LAMA5: variants seen among roughly 807,000 people sequenced by gnomAD.
The protein encoded by LAMA5 is laminin subunit alpha-5.
In LAMA5, 260 loss-of-function variants were observed where a neutral mutation model predicts 433.4. The observed-to-expected ratio is 0.60, with a 90% CI of 0.54 to 0.66. The LOEUF (loss-of-function observed/expected upper bound fraction) is 0.66. Ranked by LOEUF, LAMA5 falls within the 30% of genes least tolerant of loss-of-function variation. The pLI, the probability that LAMA5 is intolerant of heterozygous loss-of-function variation, is 0.00. For synonymous variants in LAMA5, 2,620 were observed against 2,226.6 expected, an observed-to-expected ratio of 1.18 and a Z score of -4.97; for missense variants, 5,378 against 5,258.5, an observed-to-expected ratio of 1.02 and a Z score of -0.70.
Position 62,332,580 on chromosome 20 carries a change from G to T in LAMA5, c.3420C>A (p.Leu1140=). The T allele has an allele frequency of 6.3e-7, 1 of 1,593,860 alleles. No homozygotes were observed. The highest frequency in any genetic ancestry group is 2.3e-5 in the East Asian group (1 of 44,168). The change falls in exon 27 of 80, where the codon CTC becomes CTA. Residue 1140 remains leucine, a synonymous_variant. Transcript: ENST00000252999. ...ACCTGTACAGGCAGGGGTGCAGGGA[G>T]AGCAGCCCCTGCTGGGGGGCCCGCT... ...TPQRAPQQGL[L]SLHPCLYSTL...
Position 62,367,143 on chromosome 20 carries a change from C to G in LAMA5, c.103G>C (p.Ala35Pro). The G allele has an allele frequency of 3.3e-5, 42 of 1,269,038 alleles. No homozygotes were observed. The highest frequency in any genetic ancestry group is 4.1e-5 in the Non-Finnish European group (41 of 1,010,536). The allele number at this position is 1,269,038 out of a possible 1,614,324, so 78.6% of individuals were successfully genotyped here. ...VGLALLGAAR[A>P]REEAGGGFSL... ...AAGCCGCCGCCCGCCTCCTCCCGCGCCCGCGCCGCGCCCAGCAGCGCCAGC... is the reference window on the plus strand; with the variant it reads ...AAGCCGCCGCCCGCCTCCTCCCGCGGCCGCGCCGCGCCCAGCAGCGCCAGC... Residue 35 changes from alanine to proline, a missense_variant, in exon 1 of 80, where the codon GCG becomes CCG. Transcript: ENST00000252999.
In LAMA5 at chr20:62,334,770, CGAGGGT is replaced by C. The variant is rs997573857; in HGVS notation, c.2483-155_2483-150del. The C allele has an allele frequency of 3.5e-5, 22 of 632,568 alleles. No homozygotes were observed. The African/African-American group carries it at 4.0e-4, about 11-fold the overall frequency. The allele number at this position is 632,568 out of a possible 1,614,324, so 39.2% of individuals were successfully genotyped here. A position where few individuals can be genotyped will look rare whatever the true frequency, so the allele number is the denominator to read the frequency against. ...TCAGGGCTCAGGGCGAGGGCGAGGGCGAGGGTGAGGGCGCTGGGATCTGTTAGTGCC... is the reference window on the plus strand; with the variant it reads ...TCAGGGCTCAGGGCGAGGGCGAGGGCGAGGGCGCTGGGATCTGTTAGTGCC... On this transcript the variant is annotated intron_variant, in intron 20 of 79. Coordinates refer to ENST00000252999, the MANE Select transcript of LAMA5 (RefSeq NM_005560.6).
chr20:62,310,515 C>T lies in LAMA5; in HGVS notation c.10504G>A (p.Gly3502Arg), dbSNP rs776176212. The T allele has an allele frequency of 3.9e-6, 6 of 1,555,242 alleles. No homozygotes were observed. In the African/African-American group the frequency reaches 6.9e-5, roughly 18 times the overall value. Residue 3502 changes from glycine to arginine, a missense_variant, in exon 76 of 80, where the codon GGG (glycine) becomes AGG (arginine). By Grantham distance (125) the Gly-to-Arg change is moderately radical (BLOSUM62 -2). Transcript: ENST00000252999. ...KRLRLHGRPLGAPTRMAGVTP... is the reference protein window; with the variant it reads ...KRLRLHGRPLRAPTRMAGVTP... ...ACCCCTGCCATCCGTGTGGGGGCCC[C>T]CAGGGGCCTCCCGTGCAGCCTCAGT...
intron 38 of LAMA5, 108 bp downstream of exon 38, chr20:62,327,125 C>T (rs1979435760): frequency 8.4e-7 from 1 of 1,196,706 alleles, no homozygotes; most frequent in South Asian, 1.6e-5. Context: ...CCTCACGGAC[C>T]CCCATGGAGC....
In LAMA5 at chr20:62,315,109, TCTC is replaced by T. The variant is rs1986802000; in HGVS notation, c.7963_7965del (p.Glu2655del). The T allele has an allele frequency of 6.2e-7, 1 of 1,607,560 alleles. No homozygotes were observed. The highest frequency in any genetic ancestry group is 1.3e-5 in the African/African-American group (1 of 74,858). On this transcript the variant is annotated inframe_deletion, in exon 59 of 80. Coordinates refer to ENST00000252999, the MANE Select transcript of LAMA5 (RefSeq NM_005560.6). ...TACTGGCCCTGCCACCGCTCCACAT[TCTC>T]CTGCATGGCCTGCAGCTGGGACTGC...
chr20:62,360,229 C>T (rs996481142), intron 2 of LAMA5, among the ~76,000 whole-genome samples: 4 of 138,550 alleles, frequency 2.9e-5, no homozygotes, highest in South Asian at 4.9e-4. Flanking sequence ...GGAAGGAAGA[C>T]GGTGCAGGTG....
Position 62,327,270 on chromosome 20 carries a change from A to AGCTCGGGGAAAG in LAMA5, c.5063_5074dup (p.Glu1691_Leu1692insProPheProGlu). The AGCTCGGGGAAAG allele has an allele frequency of 6.4e-7, 1 of 1,557,988 alleles. No individual in the cohort carries two copies. Among genetic ancestry groups the AGCTCGGGGAAAG allele is most frequent in the South Asian group, 1.2e-5 (1 of 82,884 alleles). ...GTAGGAGGGTGGGGCCTGCCAGTAC[A>AGCTCGGGGAAAG]GCTCGGGGAAAGCCTCGGGCACAGC... On this transcript the variant is annotated inframe_insertion, in exon 38 of 80. Coordinates refer to ENST00000252999, the MANE Select transcript of LAMA5 (RefSeq NM_005560.6).
At chr20:62,343,357 A>T (rs1982880405) in intron 11 of LAMA5, among the ~76,000 whole-genome samples, 1 of 152,230 alleles carries the variant, frequency 6.6e-6, no homozygotes, top group Non-Finnish European at 1.5e-5. Flanking sequence ...ACTCAGCCAG[A>T]GATTCGGTAG....
rs374018400 is a variant in LAMA5, at chr20:62,314,383, G to T, written c.8425C>A (p.Gln2809Lys). 13 of 1,613,478 alleles carry T rather than the reference G, an allele frequency of 8.1e-6. No homozygotes were observed. The highest frequency in any genetic ancestry group is 1.0e-5 in the Non-Finnish European group (12 of 1,179,950). ...LRDKKVHWVY[Q>K]LGEAGPAVLS... ...ACTGCAGGGCCCGCCTCACCCAGCT[G>T]ATACACCCAGTGCACCTTCTTGTCA... The change falls in exon 62 of 80, where the codon CAG (glutamine) becomes AAG (lysine). Residue 2809 changes from glutamine to lysine, a missense_variant. Physicochemically the swap from Gln to Lys is moderately conservative, Grantham distance 53. Coordinates refer to ENST00000252999, the MANE Select transcript of LAMA5 (RefSeq NM_005560.6).
chr20:62,360,868 C>T (rs1288404724), intron 2 of LAMA5, among the ~76,000 whole-genome samples: 8 of 152,060 alleles, frequency 5.3e-5, no homozygotes, highest in Non-Finnish European at 1.0e-4. Flanking sequence ...GCACCGAGGC[C>T]GAGAGAGCCC....
chr20:62,333,061 A>G (rs1464459204), intron 26 of LAMA5, 29 bp downstream of exon 26: 1 of 1,467,778 alleles, frequency 6.8e-7, no homozygotes, highest in Admixed American at 2.8e-5. Flanking sequence ...TGCAACACCC[A>G]TTGCTCCGTG....
chr20:62,329,684 C>G, intron 32 of LAMA5, 93 bp downstream of exon 32: 1 of 1,492,560 alleles, frequency 6.7e-7, no homozygotes. Context: ...CTCAGCAGGC[C>G]CAGAAGAGAC....
In LAMA5 at chr20:62,317,585, C is replaced by T. The variant is rs960070953; in HGVS notation, c.7356+77G>A. On this transcript the variant is annotated intron_variant, in intron 54 of 79. Coordinates refer to ENST00000252999, the MANE Select transcript of LAMA5 (RefSeq NM_005560.6). ...AGGGCGGGCTCTGCACGCAAGTGTG[C>T]ACACAAAGCTGCCCACGGGCCTGGG... 1.4e-5 allele frequency: 22 copies of T among 1,521,806 alleles called. 1 individual carries two copies. The highest frequency in any genetic ancestry group is 1.9e-5 in the Non-Finnish European group (21 of 1,130,030). The allele number at this position is 1,521,806 out of a possible 1,614,324, so 94.3% of individuals were successfully genotyped here.
chr20:62,338,224 C>T lies in LAMA5; in HGVS notation c.1756+8G>A, dbSNP rs1982013378. 1 of 1,588,526 alleles carries T rather than the reference C, an allele frequency of 6.3e-7. No homozygotes were observed. Among genetic ancestry groups the T allele is most frequent in the South Asian group, 1.1e-5 (1 of 87,608 alleles). ...CTACCCACGCCCACGTGGAGAGGCA[C>T]CACTCACACTGGCAGAGAGGGAAGT... On this transcript the variant is annotated splice_region_variant and intron_variant, in intron 13 of 79. Coordinates refer to ENST00000252999, the MANE Select transcript of LAMA5 (RefSeq NM_005560.6).
At chr20:62,325,840 A>G (rs1979192978) in intron 40 of LAMA5, among the ~76,000 whole-genome samples, 1 of 152,258 alleles carries the variant, frequency 6.6e-6, no homozygotes, top group South Asian at 2.1e-4. Flanking sequence ...AGTAGTGACA[A>G]ATACTTTCTT....
intron 20 of LAMA5, 24 bp downstream of exon 20, chr20:62,334,996 CT>C (rs1981302384): frequency 6.2e-7 from 1 of 1,602,916 alleles, no homozygotes; most frequent in Non-Finnish European, 8.5e-7. Context: ...GGGCTGTGGT[CT>C]GGGACGAGCG....
At position 62,335,006 on chromosome 20, in the gene LAMA5, C is replaced by A. The variant is rs763934877; in HGVS notation, c.2482+15G>T. ...AGGCAGGGCTGTGGTCTGGGACGAG[C>A]GAGTGGGCACTCACTGCGGCAGCCA... On this transcript the variant is annotated intron_variant, in intron 20 of 79. Transcript: ENST00000252999. The A allele has an allele frequency of 1.2e-6, 2 of 1,606,242 alleles. No individual in the cohort carries two copies. Among genetic ancestry groups the A allele is most frequent in the Non-Finnish European group, 1.7e-6 (2 of 1,173,964 alleles).
chr20:62,312,391 G>T lies in LAMA5; in HGVS notation c.9360+9C>A. Reference sequence around the variant, plus strand: ...AGATGCCACCCCCAGCCCGGGGAGGGCTGCTCACCAGCAGGTCGGCGGTGC... The same window carrying T: ...AGATGCCACCCCCAGCCCGGGGAGGTCTGCTCACCAGCAGGTCGGCGGTGC... On this transcript the variant is annotated intron_variant, in intron 68 of 79. Coordinates refer to ENST00000252999, the MANE Select transcript of LAMA5 (RefSeq NM_005560.6). 6.3e-7 allele frequency: 1 copy of T among 1,599,098 alleles called. No homozygotes were observed. Among genetic ancestry groups the T allele is most frequent in the Middle Eastern group, 1.7e-4 (1 of 6,050 alleles).
Position 62,312,692 on chromosome 20 carries a change from T to C in LAMA5, c.9167A>G (p.Asp3056Gly). 6.2e-7 allele frequency: 1 copy of C among 1,607,366 alleles called. No individual in the cohort carries two copies. Among genetic ancestry groups the C allele is most frequent in the Non-Finnish European group, 8.5e-7 (1 of 1,177,752 alleles). Residue 3056 changes from aspartate (D) to glycine (G), a missense_variant, in exon 67 of 80, where the codon GAT (aspartate) becomes GGT (glycine). Asp to Gly is a moderately conservative substitution (Grantham distance 94, BLOSUM62 -1). Transcript: ENST00000252999. The part of the protein sequence containing the change: ...ATVYSVEQDN[D>G]LELADAYYLG... ...GTAGTAGGCGTCGGCCAGCTCCAGA[T>C]CATTGTCCTGCTCCACGCTGTACAC...
Sources: allele counts gnomAD v4.1 joint callset (sites outside exome capture counted in the v4.1 genomes callset), GRCh38; gene constraint gnomAD v4.1.1; transcripts MANE v1.5; gene names NCBI Gene and HGNC (gene_info 2026-07-23, HGNC 2026-07-21).